ISY1: variants seen among roughly 807,000 people sequenced by gnomAD.
ISY1 encodes ISY1 spliceosome associated protein, also known as pre-mRNA-splicing factor ISY1 homolog.
In ISY1, 12 loss-of-function variants were observed where a neutral mutation model predicts 54.4. The observed-to-expected ratio is 0.22, with a 90% CI of 0.14 to 0.36. The LOEUF is 0.36. Among genes scored for constraint, ISY1 ranks in the 10% least tolerant of loss-of-function variants. The pLI is 1.00. For missense variants in ISY1, 282 were observed against 342.2 expected (o/e 0.82, Z 1.39); for synonymous variants, 96 against 117.9 (o/e 0.81, Z 1.20).
Position 129,158,495 on chromosome 3 carries a change from G to C in ISY1, c.78+13C>G, listed in dbSNP as rs1303804726. ...TTGATACTTTACAATTCATGAGGAA[G>C]ATTTACACCAACCTTCACTTTTCCC... On this transcript the variant is annotated intron_variant, in intron 3 of 10. Transcript: ENST00000393295. 1.4e-5 allele frequency: 22 copies of C among 1,613,500 alleles called. No homozygotes were observed. Among genetic ancestry groups the C allele is most frequent in the Non-Finnish European group, 1.8e-5 (21 of 1,179,934 alleles).
chr3:129,157,947 G>C (rs1235587840), intron 3 of ISY1, among the ~76,000 whole-genome samples: 2 of 151,988 alleles, frequency 1.3e-5, no homozygotes, highest in Non-Finnish European at 2.9e-5. Context: ...TGCAACCTCC[G>C]TCTCCAGGGC....
chr3:129,137,233 A>G (rs1400606560), intron 7 of ISY1: 2 of 979,760 alleles, frequency 2.0e-6, no homozygotes. Context: ...CCGGAAAGGA[A>G]CATACCAAAC....
chr3:129,159,251 A>G, intron 1 of ISY1, 75 bp from the exon 2 acceptor site: 1 of 1,566,004 alleles, frequency 6.4e-7, no homozygotes, highest in Non-Finnish European at 8.6e-7. Context: ...CTTTTTAGTG[A>G]AAAGTTTTAC....
At chr3:129,160,654 A>G (rs898093990) in intron 1 of ISY1, among the ~76,000 whole-genome samples, 1 of 152,142 alleles carries the variant, frequency 6.6e-6, no homozygotes, top group African/African-American at 2.4e-5. Context: ...TTAGGGACAA[A>G]CAGCCGGCCC....
chr3:129,142,207 GAAA>G (rs11324480), intron 6 of ISY1, among the ~76,000 whole-genome samples: 11 of 120,634 alleles, frequency 9.1e-5, no homozygotes, highest in Admixed American at 1.7e-4. Flanking sequence ...ACTCTGTCTC[GAAA>G]AAAAAAAAAA....
At position 129,142,386 on chromosome 3, in the gene ISY1, A is replaced by T. The variant is rs547771611; in HGVS notation, c.301-1901T>A. Among the ~76,000 whole-genome samples, 5 of 152,326 alleles carry T rather than the reference A, an allele frequency of 3.3e-5. No individual in the cohort carries two copies. In the East Asian group the frequency reaches 9.6e-4, roughly 29 times the overall value. On this transcript the variant is annotated intron_variant, in intron 6 of 10. Coordinates refer to ENST00000393295, the MANE Select transcript of ISY1 (RefSeq NM_020701.4). ...TAAACTTGATAGCTCTACCATGGTT[A>T]CATAAGAGAATATTCTTCTTAGGAA...
At chr3:129,151,532 G>A (rs549561176) in intron 5 of ISY1, among the ~76,000 whole-genome samples, 3 of 152,106 alleles carry the variant, frequency 2.0e-5, no homozygotes, top group Admixed American at 6.6e-5. Context: ...AGGAGGCTGA[G>A]GCAGGAGAAT....
intron 7 of ISY1, among the ~76,000 whole-genome samples, chr3:129,139,831 G>A (rs1434209691): frequency 5.9e-5 from 9 of 151,978 alleles, no homozygotes; most frequent in East Asian, 1.9e-4. Context: ...TAGTGGAGAC[G>A]GGGTTTCTCC....
At chr3:129,150,438 G>A (rs1458333267) in intron 5 of ISY1, among the ~76,000 whole-genome samples, 4 of 152,160 alleles carry the variant, frequency 2.6e-5, no homozygotes, top group Admixed American at 6.6e-5. Context: ...ATGGCCAGGC[G>A]CGGTGGCTCA....
chr3:129,140,952 C>A (rs1936587891), intron 6 of ISY1, among the ~76,000 whole-genome samples: 2 of 151,862 alleles, frequency 1.3e-5, no homozygotes, highest in South Asian at 4.2e-4. Flanking sequence ...CACCTGTAAT[C>A]CTAGCACTTT....
chr3:129,135,572 T>C (rs1395461141), intron 7 of ISY1, among the ~76,000 whole-genome samples: 1 of 151,786 alleles, frequency 6.6e-6, no homozygotes, highest in African/African-American at 2.4e-5. Context: ...AAGACCAGCG[T>C]GGCCAATATG....
intron 3 of ISY1, among the ~76,000 whole-genome samples, chr3:129,157,370 C>G (rs569983863): frequency 1.3e-5 from 2 of 152,148 alleles, no homozygotes; most frequent in Non-Finnish European, 2.9e-5. Flanking sequence ...CAGCTTACAG[C>G]TGTTCTCCAC....
chr3:129,133,747 A>C (rs912855121), intron 9 of ISY1, among the ~76,000 whole-genome samples: 1 of 152,198 alleles, frequency 6.6e-6, no homozygotes, highest in Non-Finnish European at 1.5e-5. Flanking sequence ...ACTGCCACTG[A>C]CACGTGAACA....
intron 1 of ISY1, 126 bp downstream of exon 1, chr3:129,160,842 TTACAC>T: frequency 8.5e-7 from 1 of 1,180,800 alleles, no homozygotes; most frequent in Non-Finnish European, 1.2e-6. Context: ...AATCCCCTCG[TTACAC>T]CAAGGAACTT....
intron 3 of ISY1, among the ~76,000 whole-genome samples, chr3:129,158,284 G>A (rs1937204901): frequency 6.6e-6 from 1 of 151,658 alleles, no homozygotes; most frequent in Admixed American, 6.6e-5. Context: ...CTCCCCAGTA[G>A]CTGGGACTAC....
chr3:129,160,834 T>A, intron 1 of ISY1, 139 bp downstream of exon 1: 1 of 1,087,286 alleles, frequency 9.2e-7, no homozygotes, highest in East Asian at 2.6e-5. Flanking sequence ...AGGAAGAGAA[T>A]CCCCTCGTTA....
chr3:129,157,555 C>G (rs1051424445), intron 3 of ISY1, among the ~76,000 whole-genome samples: 12 of 151,898 alleles, frequency 7.9e-5, no homozygotes, highest in African/African-American at 2.9e-4. Context: ...CCCATCTCTA[C>G]TAAAAATACA....
In ISY1 at chr3:129,158,573, A is replaced by G. The variant is rs1937213176; in HGVS notation, c.27-14T>C. Reference sequence around the variant, plus strand: ...GCTAAGGCCGTCCTACCAGCGATATAAAAGATAAAAGACTCCATTAGATCC... The same window carrying G: ...GCTAAGGCCGTCCTACCAGCGATATGAAAGATAAAAGACTCCATTAGATCC... On this transcript the variant is annotated splice_polypyrimidine_tract_variant and intron_variant, in intron 2 of 10. Coordinates refer to ENST00000393295, the MANE Select transcript of ISY1 (RefSeq NM_020701.4). 2 of 1,613,812 alleles carry G rather than the reference A, an allele frequency of 1.2e-6. No homozygotes were observed. Among genetic ancestry groups the G allele is most frequent in the African/African-American group, 1.3e-5 (1 of 74,940 alleles).
chr3:129,160,918 G>GCCCCAC, intron 1 of ISY1, 55 bp downstream of exon 1: 3 of 666,126 alleles, frequency 4.5e-6, no homozygotes, highest in African/African-American at 1.9e-5. Flanking sequence ...TGGACTGGGC[G>GCCCCAC]CCCCCCCGCC....
Sources: gnomAD v4.1 joint callset for allele counts (sites outside exome capture counted in the v4.1 genomes callset) on GRCh38, gnomAD v4.1.1 for gene constraint, MANE v1.5 for transcripts, NCBI Gene and HGNC (gene_info 2026-07-23, HGNC 2026-07-21) for gene names.